Variants in FSTL5 observed in about 807,000 individuals in gnomAD.
The protein encoded by FSTL5 is follistatin-related protein 5.
Under a neutral mutation model 89.1 loss-of-function variants are expected in FSTL5, and 62 were observed. That is an observed-to-expected ratio of 0.70 (90% CI 0.57 to 0.86). The LOEUF is 0.86. Ranked by LOEUF, FSTL5 falls within the 40% of genes least tolerant of loss-of-function variation. FSTL5 has a pLI of 0.00. For missense variants in FSTL5, 1,057 were observed against 1,001.6 expected, an observed-to-expected ratio of 1.06 and a Z score of -0.75; for synonymous variants, 383 against 346.2, an observed-to-expected ratio of 1.11 and a Z score of -1.18.
chr4:161,753,231 T>C (rs1468167577), intron 6 of FSTL5, among the ~76,000 whole-genome samples: 1 of 152,216 alleles, frequency 6.6e-6, no homozygotes, highest in Non-Finnish European at 1.5e-5. Flanking sequence ...GAAGTTTGTG[T>C]ATTTTTTAAA....
intron 7 of FSTL5, among the ~76,000 whole-genome samples, chr4:161,627,441 A>G (rs1735354052): frequency 6.6e-6 from 1 of 152,234 alleles, no homozygotes; most frequent in Non-Finnish European, 1.5e-5. Context: ...ATTATAGTAT[A>G]AATATAACTT....
chr4:161,427,094 T>C (rs918112437), intron 15 of FSTL5, among the ~76,000 whole-genome samples: 1 of 152,244 alleles, frequency 6.6e-6, no homozygotes, highest in African/African-American at 2.4e-5. Context: ...TAGACACTAA[T>C]GTTTCATAAT....
intron 2 of FSTL5, among the ~76,000 whole-genome samples, chr4:162,050,075 C>A (rs11100408): frequency 0.055 from 8,371 of 151,796 alleles, 379 homozygotes; most frequent in East Asian, 0.23. Flanking sequence ...ATTAACAGTT[C>A]ATAAGAACTC....
At chr4:161,389,917 G>A (rs915334248) in intron 15 of FSTL5, among the ~76,000 whole-genome samples, 1 of 152,040 alleles carries the variant, frequency 6.6e-6, no homozygotes, top group South Asian at 2.1e-4. Flanking sequence ...TTCTGTGCAG[G>A]TAATATTCTT....
intron 15 of FSTL5, among the ~76,000 whole-genome samples, chr4:161,439,561 GCAT>G (rs1732689372): frequency 6.6e-6 from 1 of 152,090 alleles, no homozygotes; most frequent in Non-Finnish European, 1.5e-5. Context: ...CAAAGAATAG[GCAT>G]CATCATCATT....
chr4:161,871,012 G>A (rs1057261414), intron 4 of FSTL5, among the ~76,000 whole-genome samples: 2 of 151,948 alleles, frequency 1.3e-5, no homozygotes, highest in South Asian at 2.1e-4. Context: ...TGAAAACCAC[G>A]GATGCAGTAA....
intron 4 of FSTL5, among the ~76,000 whole-genome samples, chr4:161,900,864 T>G (rs1197200190): frequency 6.6e-6 from 1 of 152,054 alleles, no homozygotes; most frequent in African/African-American, 2.4e-5. Context: ...TTACCAAGAT[T>G]ATTACAATAG....
At chr4:161,475,341 G>A (rs1734099980) in intron 13 of FSTL5, among the ~76,000 whole-genome samples, 1 of 151,908 alleles carries the variant, frequency 6.6e-6, no homozygotes, top group Non-Finnish European at 1.5e-5. Flanking sequence ...TATTCTGTTG[G>A]CCATTTCTCT....
intron 8 of FSTL5, among the ~76,000 whole-genome samples, chr4:161,576,263 C>G (rs1237653513): frequency 6.6e-6 from 1 of 152,010 alleles, no homozygotes; most frequent in African/African-American, 2.4e-5. Flanking sequence ...TTGATAGATT[C>G]AATGCTATTC....
intron 15 of FSTL5, among the ~76,000 whole-genome samples, chr4:161,451,541 A>G (rs193136396): frequency 6.6e-6 from 1 of 152,328 alleles, no homozygotes; most frequent in Admixed American, 6.5e-5. Flanking sequence ...CTAGTGAGCA[A>G]CTGAATACTC....
rs201925002 is a variant in FSTL5 at position 161,474,728 on chromosome 4, G to GT, written c.1608+6291dup. Among the ~76,000 whole-genome samples, 1,141 of 152,014 alleles carry GT rather than the reference G, an allele frequency of 7.5e-3. 16 individuals are homozygous for GT. Among genetic ancestry groups the GT allele is most frequent in the African/African-American group, 0.026 (1,061 of 41,464 alleles). Reference sequence around the variant, plus strand: ...GCCTGGCTAATTTTTCGTATTTTTGGTAGAGATGGGGTTCCACCATGTTGG... The same window carrying GT: ...GCCTGGCTAATTTTTCGTATTTTTGGTTAGAGATGGGGTTCCACCATGTTGG... On this transcript the variant is annotated intron_variant, in intron 13 of 15. Coordinates refer to ENST00000306100, the MANE Select transcript of FSTL5 (RefSeq NM_020116.5).
intron 1 of FSTL5, among the ~76,000 whole-genome samples, chr4:162,156,785 T>G (rs2110752313): frequency 6.6e-6 from 1 of 152,208 alleles, no homozygotes; most frequent in African/African-American, 2.4e-5. Flanking sequence ...AAACTAATTA[T>G]TGGGTATTAT....
At chr4:161,701,377 A>G (rs577799668) in intron 6 of FSTL5, among the ~76,000 whole-genome samples, 3 of 152,138 alleles carry the variant, frequency 2.0e-5, no homozygotes, top group Non-Finnish European at 4.4e-5. Context: ...ATTATTTTGC[A>G]TTCTCTAAAA....
At chr4:161,613,875 A>C (rs149865548) in intron 7 of FSTL5, among the ~76,000 whole-genome samples, 3,185 of 152,298 alleles carry the variant, frequency 0.021, 90 homozygotes, top group South Asian at 0.14. Flanking sequence ...ACACTTTGAA[A>C]CAAACTATGC....
intron 6 of FSTL5, among the ~76,000 whole-genome samples, chr4:161,712,702 C>T (rs894878966): frequency 2.0e-5 from 3 of 151,862 alleles, no homozygotes; most frequent in Non-Finnish European, 4.4e-5. Context: ...TGGTGCTGTC[C>T]TCACATTAGT....
chr4:161,600,720 ATAT>A (rs758580945), intron 7 of FSTL5, among the ~76,000 whole-genome samples: 2 of 152,160 alleles, frequency 1.3e-5, no homozygotes, highest in African/African-American at 2.4e-5. Context: ...TTCATCAAAA[ATAT>A]TCATAATCGA....
At chr4:161,723,692 C>T (rs1739293657) in intron 6 of FSTL5, among the ~76,000 whole-genome samples, 1 of 152,072 alleles carries the variant, frequency 6.6e-6, no homozygotes, top group Non-Finnish European at 1.5e-5. Flanking sequence ...GTGTATACAC[C>T]TACTGATTTG....
intron 6 of FSTL5, among the ~76,000 whole-genome samples, chr4:161,687,137 A>T (rs1223079892): frequency 6.6e-6 from 1 of 152,206 alleles, no homozygotes; most frequent in African/African-American, 2.4e-5. Context: ...ATATACAATG[A>T]TGTAACAACG....
intron 6 of FSTL5, among the ~76,000 whole-genome samples, chr4:161,718,222 TCA>T (rs1185682599): frequency 6.6e-6 from 1 of 152,190 alleles, no homozygotes; most frequent in Non-Finnish European, 1.5e-5. Context: ...CACTATACTC[TCA>T]GTTTATTATC....
Sources: gnomAD v4.1 joint callset for allele counts (sites outside exome capture counted in the v4.1 genomes callset) on GRCh38, gnomAD v4.1.1 for gene constraint, MANE v1.5 for transcripts, NCBI Gene and HGNC (gene_info 2026-07-23, HGNC 2026-07-21) for gene names.